Variants in NOXA1 observed in about 807,000 individuals in gnomAD.
The protein encoded by NOXA1 is NCF2-like protein.
In NOXA1, 56 loss-of-function variants were observed where a neutral mutation model predicts 64.8. The observed-to-expected ratio is 0.86, with a 90% CI of 0.70 to 1.08. The LOEUF (loss-of-function observed/expected upper bound fraction) is 1.08, where lower values mean the gene tolerates loss of function less well. Ranked by LOEUF, NOXA1 falls within the 50% of genes least tolerant of loss-of-function variation. The pLI is 0.00. For missense variants in NOXA1, 668 were observed against 658.5 expected (o/e 1.01, Z -0.16); for synonymous variants, 295 against 294.8 (o/e 1.00, Z -0.01).
chr9:137,424,367 C>T (rs1194371622), intron 1 of NOXA1, among the ~76,000 whole-genome samples: 1 of 152,252 alleles, frequency 6.6e-6, no homozygotes, highest in African/African-American at 2.4e-5. Flanking sequence ...CTGGGCAAAG[C>T]GCATGAGACC....
chr9:137,431,480 T>TGAG lies in NOXA1; in HGVS notation c.804+139_804+140insGAG. On this transcript the variant is annotated intron_variant, in intron 8 of 13. Transcript: ENST00000683555. This position sits in a 1 kb window ranked among gnomAD's most constrained non-coding sequence, Gnocchi z 5.6. ...TAGACGGGGCCGGGCTCACCCGTGG[T>TGAG]CCTGGCCCAGCCCAGCCAGATGGGA... The TGAG allele has an allele frequency of 1.4e-6, 1 of 721,966 alleles. No homozygotes were observed. Among genetic ancestry groups the TGAG allele is most frequent in the Non-Finnish European group, 2.3e-6 (1 of 433,096 alleles). 44.7% of individuals were successfully genotyped at this position (721,966 alleles called of 1,614,324 possible).
At position 137,423,948 on chromosome 9, in the gene NOXA1, C is replaced by CT. The variant is rs1838706163; in HGVS notation, c.177+243dup. 3.3e-5 allele frequency among the ~76,000 whole-genome samples: 5 copies of CT among 152,286 alleles called. No homozygotes were observed. The South Asian group carries it at 1.0e-3, about 32-fold the overall frequency. ...GTGACTCACACCGGGAAGGGGGAAG[C>CT]TGCTGGGCTGGGTCAGGCCCGAGGG... On this transcript the variant is annotated intron_variant, in intron 1 of 13. Coordinates refer to ENST00000683555, the MANE Select transcript of NOXA1 (RefSeq NM_001256067.2).
At chr9:137,428,576 A>G (rs1053153507) in intron 3 of NOXA1, among the ~76,000 whole-genome samples, 1 of 151,682 alleles carries the variant, frequency 6.6e-6, no homozygotes, top group Non-Finnish European at 1.5e-5. Flanking sequence ...GATGGAAGGG[A>G]AAGCCCACTG....
At position 137,429,151 on chromosome 9, in the gene NOXA1, C is replaced by T. The variant is rs1838976233; in HGVS notation, c.505-125C>T. On this transcript the variant is annotated intron_variant, in intron 4 of 13. Coordinates refer to ENST00000683555, the MANE Select transcript of NOXA1 (RefSeq NM_001256067.2). ...GTTTCGGGTGCCAGGCGGGGGCTTC[C>T]TGTGACCTGCGGGAAGGGGGTGGGG... 4 of 1,338,638 alleles carry T rather than the reference C, an allele frequency of 3.0e-6. No individual in the cohort carries two copies. The South Asian group carries it at 6.2e-5, about 21-fold the overall frequency. The allele number at this position is 1,338,638 out of a possible 1,614,324, so 82.9% of individuals were successfully genotyped here. A position where few individuals can be genotyped will look rare whatever the true frequency, so the allele number is the denominator to read the frequency against.
chr9:137,423,447 C>A lies in NOXA1; in HGVS notation c.-83C>A. The A allele has an allele frequency of 2.1e-6, 2 of 959,896 alleles. No individual in the cohort carries two copies. Among genetic ancestry groups the A allele is most frequent in the Admixed American group, 9.3e-5 (2 of 21,546 alleles). The allele number at this position is 959,896 out of a possible 1,614,324, so 59.5% of individuals were successfully genotyped here. The stretch of plus-strand genomic sequence containing the variant: ...GCACCTCTGCCCGCCTCGGAGACCC[C>A]GCAGCCCCGCGCCGCCGCCTGGCCC... On this transcript the variant is annotated 5_prime_UTR_variant, in exon 1 of 14. Transcript: ENST00000683555.
chr9:137,424,957 T>C (rs1239192293), intron 1 of NOXA1, among the ~76,000 whole-genome samples: 1 of 152,182 alleles, frequency 6.6e-6, no homozygotes, highest in Non-Finnish European at 1.5e-5. Context: ...GGAACAGCTA[T>C]GATTCATAAA....
intron 1 of NOXA1, among the ~76,000 whole-genome samples, chr9:137,425,057 A>G (rs530695554): frequency 6.6e-6 from 1 of 152,320 alleles, no homozygotes; most frequent in Non-Finnish European, 1.5e-5. Context: ...TTTGGGGCAG[A>G]CAGGTGGGTT....
Position 137,431,524 on chromosome 9 carries a change from G to A in NOXA1, c.804+183G>A, listed in dbSNP as rs548793040. Among the ~76,000 whole-genome samples the A allele has an allele frequency of 1.3e-5, 2 of 152,182 alleles. No individual in the cohort carries two copies. Among genetic ancestry groups the A allele is most frequent in the African/African-American group, 2.4e-5 (1 of 41,456 alleles). ...GATGGGAGGATGCCTGGCTGTGCCC[G>A]AGGCGAGTGGGCATTGGCCATCAGG... On this transcript the variant is annotated intron_variant, in intron 8 of 13. Transcript: ENST00000683555. This position sits in a 1 kb window ranked among gnomAD's most constrained non-coding sequence, Gnocchi z 5.6.
chr9:137,428,904 C>T lies in NOXA1; in HGVS notation c.392C>T (p.Ala131Val), dbSNP rs1223924985. ...CAGGTGCTACACAATGTGGCGTCGG[C>T]ACAGTGCCAGCTGGGGCTCTGGACA... ...AWEVLHNVAS[A>V]QCQLGLWTEA... The change falls in exon 4 of 14, where the codon GCA (alanine) becomes GTA (valine). Residue 131 changes from alanine (A) to valine (V), a missense_variant. Coordinates refer to ENST00000683555, the MANE Select transcript of NOXA1 (RefSeq NM_001256067.2). The T allele has an allele frequency of 3.1e-6, 5 of 1,590,590 alleles. No homozygotes were observed. The highest frequency in any genetic ancestry group is 4.3e-6 in the Non-Finnish European group (5 of 1,169,986).
At chr9:137,432,982 C>T (rs1025971936) in intron 8 of NOXA1, 47 bp from the exon 9 acceptor site, 2 of 1,607,966 alleles carry the variant, frequency 1.2e-6, no homozygotes, top group Non-Finnish European at 1.7e-6. Context: ...GTACCGGCCT[C>T]CAGCACCTGA....
chr9:137,431,320 G>A lies in NOXA1; in HGVS notation c.783G>A (p.Thr261=), dbSNP rs202037787. 175 of 1,610,476 alleles carry A rather than the reference G, an allele frequency of 1.1e-4. No homozygotes were observed. In the East Asian group the frequency reaches 2.3e-3, roughly 21 times the overall value. The change falls in exon 8 of 14, where the codon ACG becomes ACA. Residue 261 remains threonine, a synonymous_variant. Transcript: ENST00000683555. This position sits in a 1 kb window ranked among gnomAD's most constrained non-coding sequence, Gnocchi z 5.6. ...CAGAGGTCGGTGCTGACCGCTGCAC[G>A]TCGACTGCCTACCAGGAGCAGGTGC... is the stretch of plus-strand genomic sequence containing the variant. The part of the protein sequence containing the change: ...AETEVGADRC[T]STAYQEQRPQ...
At chr9:137,433,703 C>T (rs1839226918) in intron 11 of NOXA1, 47 bp from the exon 12 acceptor site, 3 of 1,482,140 alleles carry the variant, frequency 2.0e-6, no homozygotes, top group African/African-American at 1.4e-5. Context: ...CACTGCCCTC[C>T]CTGCAGGCCC....
intron 8 of NOXA1, among the ~76,000 whole-genome samples, chr9:137,432,089 C>T (rs1299188118): frequency 6.6e-6 from 1 of 152,096 alleles, no homozygotes; most frequent in African/African-American, 2.4e-5. Context: ...TCCTTCCTAA[C>T]CTAAGGCAAC....
intron 5 of NOXA1, among the ~76,000 whole-genome samples, chr9:137,430,489 G>A (rs1464156139): frequency 6.6e-6 from 1 of 152,246 alleles, no homozygotes; most frequent in Non-Finnish European, 1.5e-5. Context: ...GGCGAAGCCG[G>A]GCTCTGAGCT....
Position 137,431,277 on chromosome 9 carries a change from G to A in NOXA1, c.740G>A (p.Gly247Asp). The change falls in exon 8 of 14, where the codon GGC becomes GAC. Residue 247 changes from glycine to aspartate, a missense_variant. Gly to Asp is a moderately conservative substitution (Grantham distance 94). Transcript: ENST00000683555. The surrounding 1 kb of genome is among the most constrained non-coding windows in gnomAD (Gnocchi z 5.6). Reference protein sequence around the residue: ...MDSPRAGTHQGPLDAETEVGA... With the variant: ...MDSPRAGTHQDPLDAETEVGA... ...TCCCCAAGAGCTGGCACCCACCAGG[G>A]CCCCCTCGATGCAGAGACAGAGGTC... is the stretch of plus-strand genomic sequence containing the variant. 3.7e-6 allele frequency: 6 copies of A among 1,612,688 alleles called. No homozygotes were observed. Among genetic ancestry groups the A allele is most frequent in the Non-Finnish European group, 4.2e-6 (5 of 1,179,930 alleles).
At position 137,423,566 on chromosome 9, in the gene NOXA1, C is replaced by T; in HGVS notation, c.37C>T (p.Leu13=). 6.9e-7 allele frequency: 1 copy of T among 1,455,472 alleles called. No individual in the cohort carries two copies. The highest frequency in any genetic ancestry group is 9.1e-7 in the Non-Finnish European group (1 of 1,102,048). 90.2% of individuals were successfully genotyped at this position (1,455,472 alleles called of 1,614,324 possible). Residue 13 remains leucine (L), a synonymous_variant, in exon 1 of 14, where the codon CTG becomes TTG. Transcript: ENST00000683555. ...SLGDLVRAWH[L]GAQAVDRGDW... is the part of the protein sequence containing the mutation. ...GGGGGACCTGGTGCGCGCCTGGCAC[C>T]TGGGCGCGCAGGCTGTGGATCGTGG...
chr9:137,429,991 T>A (rs1203794312), intron 5 of NOXA1, among the ~76,000 whole-genome samples: 3 of 99,822 alleles, frequency 3.0e-5, no homozygotes, highest in African/African-American at 4.3e-5. Flanking sequence ...GGTGCCTGTG[T>A]CCCTGCCACA....
At chr9:137,432,137 G>T (rs767995813) in intron 8 of NOXA1, among the ~76,000 whole-genome samples, 4 of 151,992 alleles carry the variant, frequency 2.6e-5, no homozygotes, top group African/African-American at 9.7e-5. Flanking sequence ...AGTTACAATC[G>T]AGGCCGGGCA....
chr9:137,433,358 C>T (rs1839203608), intron 10 of NOXA1, 95 bp downstream of exon 10: 3 of 1,492,486 alleles, frequency 2.0e-6, no homozygotes, highest in Non-Finnish European at 2.7e-6. Flanking sequence ...CCCCCCTCAC[C>T]TGCCCAGTCT....
Sources: allele counts gnomAD v4.1 joint callset (sites outside exome capture counted in the v4.1 genomes callset), GRCh38; gene constraint gnomAD v4.1.1; non-coding constraint Gnocchi (gnomAD v3.1); transcripts MANE v1.5; gene names NCBI Gene and HGNC (gene_info 2026-07-23, HGNC 2026-07-21).